SOX5: variants seen among roughly 807,000 people sequenced by gnomAD.
SOX5 encodes SRY-box transcription factor 5, also known as transcription factor SOX-5.
A neutral mutation model predicts 92.0 loss-of-function variants in SOX5; 9 were observed. That is an observed-to-expected ratio of 0.10 (90% confidence interval 0.06 to 0.17). The LOEUF is 0.17. SOX5 is among the 10% of genes least tolerant of loss of function. The pLI is 1.00. For missense variants in SOX5, 642 were observed against 944.5 expected, an observed-to-expected ratio of 0.68 and a Z score of 4.20; for synonymous variants, 344 against 336.3, an observed-to-expected ratio of 1.02 and a Z score of -0.25.
chr12:24,411,941 T>C lies in SOX5; in HGVS notation c.-250-43302A>G, dbSNP rs576120145. ...TTTTGAAAGTTTGTTAAGTTAGGGA[T>C]TAAATTCCTTTAACTGTTGTAAGGC... is the stretch of plus-strand genomic sequence containing the variant. On this transcript the variant is annotated intron_variant, in intron 1 of 4. Coordinates refer to the SOX5 transcript ENST00000446891. Among the ~76,000 whole-genome samples, 205 of 152,344 alleles carry C rather than the reference T, an allele frequency of 1.3e-3. 1 individual carries two copies. Among genetic ancestry groups the C allele is most frequent in the African/African-American group, 4.5e-3 (187 of 41,580 alleles).
chr12:24,325,118 C>T (rs1950555762), intron 2 of SOX5, among the ~76,000 whole-genome samples: 1 of 151,402 alleles, frequency 6.6e-6, no homozygotes, highest in African/African-American at 2.4e-5. Context: ...TTAATCTCAG[C>T]ACTTTTCAGG....
chr12:23,720,710 C>T (rs531135914), intron 6 of SOX5, among the ~76,000 whole-genome samples: 1 of 152,184 alleles, frequency 6.6e-6, no homozygotes, highest in Admixed American at 6.5e-5. Context: ...TTCAGTGAAT[C>T]AAAATTTAAG....
chr12:23,714,295 G>C (rs933362808), intron 6 of SOX5, among the ~76,000 whole-genome samples: 16 of 152,216 alleles, frequency 1.1e-4, no homozygotes, highest in African/African-American at 3.9e-4. Flanking sequence ...TAGAACTACA[G>C]TTATAAATAT....
At chr12:23,680,187 G>A (rs999304233) in intron 6 of SOX5, among the ~76,000 whole-genome samples, 1 of 151,552 alleles carries the variant, frequency 6.6e-6, no homozygotes, top group African/African-American at 2.4e-5. Context: ...TTAGCCAGGT[G>A]TGGTGGCATA....
In SOX5 at chr12:24,522,311, C is replaced by T. The variant is rs776169729; in HGVS notation, c.-251+40018G>A. On this transcript the variant is annotated intron_variant, in intron 1 of 4. Transcript: ENST00000446891. ...CACCAAAGAAAAGCCTAGGATCTGA[C>T]GGTTTCACTGGTGAATTTAAAGGAC... 4.0e-5 allele frequency among the ~76,000 whole-genome samples: 6 copies of T among 151,608 alleles called. No homozygotes were observed. In the South Asian group the frequency reaches 6.3e-4, roughly 16 times the overall value.
Position 23,692,188 on chromosome 12 carries a change from C to T in SOX5, c.811-26624G>A, listed in dbSNP as rs112707674. On this transcript the variant is annotated intron_variant, in intron 6 of 14. Transcript: ENST00000451604. ...TGGCTCACGCCTGTAATCTCAGCAC[C>T]TTGGGAGGCCGAGACAGGCGGATCA... 4.6e-3 allele frequency among the ~76,000 whole-genome samples: 705 copies of T among 151,978 alleles called. 7 individuals are homozygous for T. The highest frequency in any genetic ancestry group is 0.016 in the African/African-American group (663 of 41,458).
At chr12:24,484,043 G>A (rs1437237096) in intron 1 of SOX5, among the ~76,000 whole-genome samples, 10 of 152,248 alleles carry the variant, frequency 6.6e-5, no homozygotes, top group Middle Eastern at 3.4e-3. Flanking sequence ...AATTTGCAAC[G>A]TTTATATTAT....
intron 3 of SOX5, among the ~76,000 whole-genome samples, chr12:24,254,477 C>A (rs182738848): frequency 2.1e-4 from 32 of 151,592 alleles, no homozygotes; most frequent in African/African-American, 7.8e-4. Context: ...CTCCAAACAC[C>A]TATATTAGCC....
intron 4 of SOX5, among the ~76,000 whole-genome samples, chr12:24,104,679 A>G (rs1056700492): frequency 3.9e-5 from 6 of 152,206 alleles, no homozygotes; most frequent in Admixed American, 6.5e-5. Context: ...GGAGTGTGTG[A>G]GCCATTTCTG....
intron 1 of SOX5, among the ~76,000 whole-genome samples, chr12:24,535,451 T>C (rs1444031340): frequency 1.3e-5 from 2 of 152,220 alleles, no homozygotes; most frequent in Non-Finnish European, 2.9e-5. Context: ...TGTCTTAGTA[T>C]GTTTGGGGTA....
At chr12:24,344,011 G>A (rs114061573) in intron 2 of SOX5, among the ~76,000 whole-genome samples, 2,815 of 152,130 alleles carry the variant, frequency 0.019, 96 homozygotes, top group African/African-American at 0.064. Context: ...TAGGCCGGGT[G>A]CAGGGGCTCA....
At chr12:24,036,355 T>C (rs756072638) in intron 4 of SOX5, among the ~76,000 whole-genome samples, 1 of 152,154 alleles carries the variant, frequency 6.6e-6, no homozygotes, top group Non-Finnish European at 1.5e-5. Flanking sequence ...TCCAACACTA[T>C]ACTTACTTAA....
At chr12:24,040,485 G>C (rs1956413118) in intron 4 of SOX5, among the ~76,000 whole-genome samples, 1 of 152,154 alleles carries the variant, frequency 6.6e-6, no homozygotes, top group Non-Finnish European at 1.5e-5. Flanking sequence ...AAAACTACAT[G>C]AATCTTCTCT....
At chr12:23,842,748 C>A (rs2096533402) in intron 3 of SOX5, among the ~76,000 whole-genome samples, 1 of 152,064 alleles carries the variant, frequency 6.6e-6, no homozygotes, top group South Asian at 2.1e-4. Context: ...TGAATTCATA[C>A]TGATGTAAAA....
chr12:24,252,252 AAC>A (rs1191643903), intron 3 of SOX5, among the ~76,000 whole-genome samples: 2 of 152,222 alleles, frequency 1.3e-5, no homozygotes, highest in Non-Finnish European at 2.9e-5. Context: ...AACATAATGA[AAC>A]AAGTTAATTT....
chr12:23,532,871 C>A lies in SOX5; in HGVS notation c.*1348G>T. ...AATTCTATTTGTCTGAAAAAATGGC[C>A]AAATATATTCAATGAAAACAATGAT... On this transcript the variant is annotated 3_prime_UTR_variant, in exon 15 of 15. Transcript: ENST00000451604. 1 of 163,768 alleles carries A rather than the reference C, an allele frequency of 6.1e-6. No homozygotes were observed. The highest frequency in any genetic ancestry group is 6.2e-5 in the Admixed American group (1 of 16,042). 10.1% of individuals were successfully genotyped at this position (163,768 alleles called of 1,614,324 possible). A position where few individuals can be genotyped will look rare whatever the true frequency, so the allele number is the denominator to read the frequency against.
At position 23,894,980 on chromosome 12, in the gene SOX5, G is replaced by GCC. The variant is rs562369228; in HGVS notation, c.270+811_270+812dup. Among the ~76,000 whole-genome samples, 5 of 152,182 alleles carry GCC rather than the reference G, an allele frequency of 3.3e-5. No homozygotes were observed. The South Asian group carries it at 1.0e-3, about 32-fold the overall frequency. ...GAGGATGCCTTTAATGGTGGTAAGT[G>GCC]CCCCACTACCTTCTTAACATTATGA... On this transcript the variant is annotated intron_variant, in intron 2 of 14. Transcript: ENST00000451604.
intron 13 of SOX5, among the ~76,000 whole-genome samples, chr12:23,539,502 G>A (rs1428323843): frequency 6.6e-6 from 1 of 151,890 alleles, no homozygotes; most frequent in Non-Finnish European, 1.5e-5. Context: ...TGACTCCCGT[G>A]GGGCTCACAA....
chr12:24,285,488 C>T (rs1274991931), intron 2 of SOX5, among the ~76,000 whole-genome samples: 2 of 151,930 alleles, frequency 1.3e-5, no homozygotes, highest in Non-Finnish European at 2.9e-5. Flanking sequence ...TACAAACTTG[C>T]TTTGTCTTAA....
Sources: allele counts gnomAD v4.1 joint callset (sites outside exome capture counted in the v4.1 genomes callset), GRCh38; gene constraint gnomAD v4.1.1; transcripts MANE v1.5; gene names NCBI Gene and HGNC (gene_info 2026-07-23, HGNC 2026-07-21).